Variants in EHBP1 observed in about 807,000 individuals in gnomAD.
The protein encoded by EHBP1 is EH domain-binding protein 1.
In EHBP1, 55 loss-of-function variants were observed where a neutral mutation model predicts 144.0. The observed-to-expected ratio is 0.38, with a 90% CI of 0.31 to 0.48. The LOEUF (loss-of-function observed/expected upper bound fraction) is 0.48. Ranked by LOEUF, EHBP1 falls within the 20% of genes least tolerant of loss-of-function variation. The pLI is 0.98. For missense variants in EHBP1, 1,200 were observed against 1,364.2 expected, an observed-to-expected ratio of 0.88 and a Z score of 1.90; for synonymous variants, 469 against 472.7, an observed-to-expected ratio of 0.99 and a Z score of 0.10.
At chr2:62,847,806 A>G (rs563029865) in intron 7 of EHBP1, among the ~76,000 whole-genome samples, 4 of 152,336 alleles carry the variant, frequency 2.6e-5, no homozygotes, top group Admixed American at 2.0e-4. Context: ...AAATAATAAA[A>G]AAGACATGTG....
chr2:62,839,688 TAC>T (rs1403143233), intron 7 of EHBP1, among the ~76,000 whole-genome samples: 2 of 151,928 alleles, frequency 1.3e-5, no homozygotes, highest in Non-Finnish European at 2.9e-5. Context: ...AGCATTCTTA[TAC>T]ACCAACAACA....
At chr2:62,910,501 G>A (rs2054133710) in intron 10 of EHBP1, among the ~76,000 whole-genome samples, 2 of 151,866 alleles carry the variant, frequency 1.3e-5, no homozygotes, top group Admixed American at 1.3e-4. Context: ...TTTCTGGCAG[G>A]TGTTGTAAAC....
At chr2:62,796,229 G>C (rs1451280601) in intron 5 of EHBP1, among the ~76,000 whole-genome samples, 1 of 152,018 alleles carries the variant, frequency 6.6e-6, no homozygotes, top group Non-Finnish European at 1.5e-5. Context: ...TACAGAGCTT[G>C]TTTGGGACTC....
At chr2:63,035,348 T>C (rs1445538928) in intron 19 of EHBP1, among the ~76,000 whole-genome samples, 2 of 152,090 alleles carry the variant, frequency 1.3e-5, no homozygotes, top group Non-Finnish European at 2.9e-5. Flanking sequence ...ATATTTCTTA[T>C]TGTTAGGCTT....
In EHBP1 at chr2:62,876,594, G is replaced by A. The variant is rs529382581; in HGVS notation, c.1185+2062G>A. ...GCTATAAAGAACTACTCAAGACTGG[G>A]TAATTTATTTTAAAAGGAGGTTAAA... On this transcript the variant is annotated intron_variant, in intron 10 of 22. Coordinates refer to ENST00000431489, the MANE Select transcript of EHBP1 (RefSeq NM_001142616.3). 3.9e-5 allele frequency among the ~76,000 whole-genome samples: 6 copies of A among 152,292 alleles called. No homozygotes were observed. In the South Asian group the frequency reaches 1.2e-3, roughly 32 times the overall value.
chr2:62,752,761 G>A (rs1028823139), intron 3 of EHBP1, among the ~76,000 whole-genome samples: 1 of 144,074 alleles, frequency 6.9e-6, no homozygotes, highest in Non-Finnish European at 1.5e-5. Flanking sequence ...TTTGGTCTTT[G>A]TTTAAAGTGT....
rs564352028 is a variant in EHBP1, at chr2:63,026,927, G to T, written c.3104-10608G>T. ...GATGAACTAAGTGAACAGCATGAGG[G>T]TTTTCTTGTTTATCAGAGTTTTGAA... On this transcript the variant is annotated intron_variant, in intron 19 of 22. Coordinates refer to ENST00000431489, the MANE Select transcript of EHBP1 (RefSeq NM_001142616.3). Among the ~76,000 whole-genome samples, 38 of 152,278 alleles carry T rather than the reference G, an allele frequency of 2.5e-4. No individual in the cohort carries two copies. In the South Asian group the frequency reaches 6.8e-3, roughly 27 times the overall value.
intron 10 of EHBP1, among the ~76,000 whole-genome samples, chr2:62,919,935 G>A (rs2054932437): frequency 6.6e-6 from 1 of 152,062 alleles, no homozygotes; most frequent in African/African-American, 2.4e-5. Flanking sequence ...GAGAATCATA[G>A]GACAATAAAA....
At chr2:62,815,420 T>C (rs2045360827) in intron 5 of EHBP1, among the ~76,000 whole-genome samples, 1 of 152,222 alleles carries the variant, frequency 6.6e-6, no homozygotes, top group African/African-American at 2.4e-5. Flanking sequence ...AATTATTAAT[T>C]TCATTACATG....
intron 10 of EHBP1, among the ~76,000 whole-genome samples, chr2:62,929,580 A>G (rs886288589): frequency 1.3e-5 from 2 of 152,210 alleles, no homozygotes; most frequent in African/African-American, 2.4e-5. Flanking sequence ...TTACCTAAAC[A>G]TGATAAAAGT....
At chr2:62,863,701 A>G (rs916969687) in intron 8 of EHBP1, among the ~76,000 whole-genome samples, 1 of 152,082 alleles carries the variant, frequency 6.6e-6, no homozygotes, top group African/African-American at 2.4e-5. Flanking sequence ...GTGAGTATAT[A>G]TACGACACAG....
At chr2:62,962,000 C>T (rs1558988465) in intron 14 of EHBP1, among the ~76,000 whole-genome samples, 1 of 152,112 alleles carries the variant, frequency 6.6e-6, no homozygotes, top group South Asian at 2.1e-4. Context: ...TACACTCCAG[C>T]CTGGGCAACA....
intron 5 of EHBP1, among the ~76,000 whole-genome samples, chr2:62,813,823 T>C (rs1240535497): frequency 6.6e-6 from 1 of 152,208 alleles, no homozygotes; most frequent in Admixed American, 6.5e-5. Flanking sequence ...TCTTTTGAAA[T>C]GGGAATGTCT....
chr2:62,678,348 G>A (rs1444588817), intron 1 of EHBP1, among the ~76,000 whole-genome samples: 5 of 152,112 alleles, frequency 3.3e-5, no homozygotes, highest in Non-Finnish European at 7.4e-5. Context: ...TTTTCCTATA[G>A]AGTTGTCTGA....
At position 62,706,910 on chromosome 2, in the gene EHBP1, C is replaced by T; in HGVS notation, c.-282C>T. The T allele has an allele frequency of 3.1e-6, 1 of 327,058 alleles. No individual in the cohort carries two copies. Among genetic ancestry groups the T allele is most frequent in the Non-Finnish European group, 5.7e-6 (1 of 174,772 alleles). The allele number at this position is 327,058 out of a possible 1,614,324, so 20.3% of individuals were successfully genotyped here. A position where few individuals can be genotyped will look rare whatever the true frequency, so the allele number is the denominator to read the frequency against. On this transcript the variant is annotated 5_prime_UTR_variant, in exon 2 of 23. Coordinates refer to ENST00000431489, the MANE Select transcript of EHBP1 (RefSeq NM_001142616.3). ...TTTGCTTTTCAGCCCTCCAGAATAC[C>T]CATCATATAGCCCCTGAGGTGGCAT...
At chr2:63,000,447 G>A (rs1284407971) in intron 19 of EHBP1, among the ~76,000 whole-genome samples, 1 of 151,740 alleles carries the variant, frequency 6.6e-6, no homozygotes, top group Non-Finnish European at 1.5e-5. Flanking sequence ...TGTAATCCCA[G>A]CACTTTGGGA....
chr2:62,991,658 G>A (rs2059418348), intron 16 of EHBP1, among the ~76,000 whole-genome samples: 1 of 152,108 alleles, frequency 6.6e-6, no homozygotes, highest in Admixed American at 6.6e-5. Context: ...ACTATTATTA[G>A]ACTGTTTATA....
At chr2:62,876,868 C>T (rs771381729) in intron 10 of EHBP1, among the ~76,000 whole-genome samples, 5 of 152,220 alleles carry the variant, frequency 3.3e-5, no homozygotes, top group East Asian at 1.9e-4. Context: ...AATTACGATT[C>T]GACATAAGAT....
At chr2:62,753,969 G>A (rs1010356542) in intron 3 of EHBP1, among the ~76,000 whole-genome samples, 22 of 152,148 alleles carry the variant, frequency 1.4e-4, no homozygotes, top group Admixed American at 2.6e-4. Context: ...AAGTTTGATC[G>A]TCTGAAGCCT....
Sources: gnomAD v4.1 joint callset for allele counts (sites outside exome capture counted in the v4.1 genomes callset) on GRCh38, gnomAD v4.1.1 for gene constraint, MANE v1.5 for transcripts, NCBI Gene and HGNC (gene_info 2026-07-23, HGNC 2026-07-21) for gene names.